Variants in PARP10 observed in about 807,000 individuals in gnomAD.
PARP10 encodes the protein poly(ADP-ribose) polymerase family member 10.
PARP10 carries 56 observed loss-of-function variants against 82.4 expected under a neutral mutation model. The observed-to-expected ratio is 0.68, with a 90% CI of 0.55 to 0.85. PARP10 has a LOEUF of 0.85. PARP10 is among the 40% of genes least tolerant of loss of function. The pLI, the probability that PARP10 is intolerant of heterozygous loss-of-function variation, is 0.00. For synonymous variants in PARP10, 576 were observed against 601.1 expected, an observed-to-expected ratio of 0.96 and a Z score of 0.61; for missense variants, 1,227 against 1,379.4, an observed-to-expected ratio of 0.89 and a Z score of 1.75.
At chr8:143,991,370 C>A, upstream of PARP10, 2 of 1,219,574 alleles carry the variant, frequency 1.6e-6, no homozygotes, top group Non-Finnish European at 2.3e-6. Context: ...CTTTCCAGCC[C>A]TCCCCCTACG....
chr8:143,985,266 G>A lies in PARP10; in HGVS notation c.736C>T (p.His246Tyr), dbSNP rs564499779. 7.4e-6 allele frequency: 12 copies of A among 1,613,750 alleles called. No individual in the cohort carries two copies. In the East Asian group the frequency reaches 2.0e-4, roughly 27 times the overall value. ...LQGSELSLVPHYDILEPEELA... is the reference protein window; with the variant it reads ...LQGSELSLVPYYDILEPEELA... ...TCCTCGGGCTCCAGGATGTCGTAGTGGGGGACAAGGCTCAGCTCTGAGCCC... is the reference window on the plus strand; with the variant it reads ...TCCTCGGGCTCCAGGATGTCGTAGTAGGGGACAAGGCTCAGCTCTGAGCCC... Residue 246 changes from histidine to tyrosine, a missense_variant, in exon 5 of 11, where the codon CAC (histidine) becomes TAC (tyrosine). Physicochemically the swap from His to Tyr is moderately conservative, Grantham distance 83 (BLOSUM62 2). Coordinates refer to ENST00000313028, the MANE Select transcript of PARP10 (RefSeq NM_032789.5).
At chr8:144,001,440 C>T (rs1834202027) in intron 1 of PARP10, among the ~76,000 whole-genome samples, 1 of 152,140 alleles carries the variant, frequency 6.6e-6, no homozygotes, top group African/African-American at 2.4e-5. Flanking sequence ...GGCGTGGTGG[C>T]TTACGCCTGT....
At chr8:143,991,166 A>T (rs1403525586), upstream of PARP10, 6 of 1,284,134 alleles carry the variant, frequency 4.7e-6, no homozygotes, top group Non-Finnish European at 6.4e-6. Context: ...TCGTCAAGCC[A>T]ACTGTTCCAC....
chr8:143,998,671 A>G (rs1187595199), intron 1 of PARP10, among the ~76,000 whole-genome samples: 1 of 152,226 alleles, frequency 6.6e-6, no homozygotes, highest in Non-Finnish European at 1.5e-5. Flanking sequence ...TGGATTTTAT[A>G]AAAAGAATCA....
At chr8:143,997,516 G>T (rs1369556663) in intron 1 of PARP10, among the ~76,000 whole-genome samples, 1 of 152,106 alleles carries the variant, frequency 6.6e-6, no homozygotes, top group African/African-American at 2.4e-5. Flanking sequence ...TTCCCTGAAG[G>T]CAAGGCCATG....
At chr8:143,980,622 C>T (rs1833829539) in intron 9 of PARP10, among the ~76,000 whole-genome samples, 1 of 151,806 alleles carries the variant, frequency 6.6e-6, no homozygotes, top group African/African-American at 2.4e-5. Flanking sequence ...ATATGTTTAG[C>T]ACCCACTCAA....
chr8:143,988,578 G>A (rs914785943), upstream of PARP10, among the ~76,000 whole-genome samples: 2 of 151,750 alleles, frequency 1.3e-5, no homozygotes, highest in African/African-American at 4.8e-5. Flanking sequence ...CCATTCTCCT[G>A]CCTCAGCCCC....
At chr8:143,997,437 A>G (rs1834171518) in intron 1 of PARP10, among the ~76,000 whole-genome samples, 1 of 152,016 alleles carries the variant, frequency 6.6e-6, no homozygotes, top group Non-Finnish European at 1.5e-5. Flanking sequence ...CTTCCTCTCT[A>G]ACCCAAATGC....
At chr8:143,992,939 C>T, upstream of PARP10, 23 of 1,023,206 alleles carry the variant, frequency 2.2e-5, no homozygotes, top group Non-Finnish European at 3.3e-5. Flanking sequence ...CTCTCTTGTC[C>T]CCAGGCACAG....
chr8:144,001,481 C>T (rs1022964389), intron 1 of PARP10, among the ~76,000 whole-genome samples: 1 of 152,086 alleles, frequency 6.6e-6, no homozygotes, highest in Non-Finnish European at 1.5e-5. Flanking sequence ...CCGAGGCAGG[C>T]GGACCACTTG....
At chr8:143,986,666 A>G, upstream of PARP10, 1 of 551,552 alleles carries the variant, frequency 1.8e-6, no homozygotes, top group South Asian at 2.2e-5. Context: ...CCTGGTTGGC[A>G]GGGTAGACAG....
chr8:143,995,856 A>C (rs1402815444), upstream of PARP10, among the ~76,000 whole-genome samples: 3 of 152,200 alleles, frequency 2.0e-5, no homozygotes, highest in Non-Finnish European at 4.4e-5. Context: ...GGCACTGTCC[A>C]AGCTGTAAAA....
At chr8:143,982,399 G>A (rs909080727) in intron 9 of PARP10, among the ~76,000 whole-genome samples, 4 of 152,108 alleles carry the variant, frequency 2.6e-5, no homozygotes, top group Admixed American at 6.5e-5. Context: ...GCGTGAACCC[G>A]GGAGGCGGAG....
rs782176873 is a variant in PARP10, at chr8:143,983,279, G to C, written c.2310C>G (p.Ile770Met). Residue 770 changes from isoleucine to methionine, a missense_variant, in exon 8 of 11, where the codon ATC becomes ATG. Coordinates refer to ENST00000313028, the MANE Select transcript of PARP10 (RefSeq NM_032789.5). ...VSVALRGDCTILRGFGAHPAR... is the reference protein window; with the variant it reads ...VSVALRGDCTMLRGFGAHPAR... ...CAGGGTGGGCCCCGAAGCCACGGAG[G>C]ATGGTGCAGTCACCACGCAGGGCAA... 1.2e-6 allele frequency: 2 copies of C among 1,613,022 alleles called. No individual in the cohort carries two copies.
intron 1 of PARP10, among the ~76,000 whole-genome samples, chr8:144,000,439 C>T (rs1834193691): frequency 6.6e-6 from 1 of 152,190 alleles, no homozygotes; most frequent in South Asian, 2.1e-4. Context: ...CAAGGCCCTG[C>T]AGACACCTTG....
At chr8:143,987,414 C>G (rs1554749602), upstream of PARP10, among the ~76,000 whole-genome samples, 1 of 152,240 alleles carries the variant, frequency 6.6e-6, no homozygotes, top group South Asian at 2.1e-4. Context: ...CCTGCACATG[C>G]CACACCTCTG....
intron 1 of PARP10, among the ~76,000 whole-genome samples, chr8:144,001,873 C>CGTGTGTGTGTGTGTGTGTGTGTGT (rs57117824): frequency 1.2e-4 from 17 of 136,416 alleles, no homozygotes; most frequent in African/African-American, 4.6e-4. Flanking sequence ...AATATATATA[C>CGTGTGTGTGTGTGTGTGTGTGTGT]GTGTGTGTGT....
At chr8:143,982,784 C>G (rs982459982) in intron 9 of PARP10, 148 bp downstream of exon 9, 1 of 1,334,618 alleles carries the variant, frequency 7.5e-7, no homozygotes, top group African/African-American at 1.5e-5. Flanking sequence ...GGAACGCCCT[C>G]TGGGCAGAGA....
At chr8:143,995,761 C>G (rs544417745), upstream of PARP10, among the ~76,000 whole-genome samples, 1 of 152,110 alleles carries the variant, frequency 6.6e-6, no homozygotes, top group Non-Finnish European at 1.5e-5. Flanking sequence ...TTGCATAGAA[C>G]ATCAACATCA....
Sources: gnomAD v4.1 joint callset for allele counts (sites outside exome capture counted in the v4.1 genomes callset) on GRCh38, gnomAD v4.1.1 for gene constraint, MANE v1.5 for transcripts, NCBI Gene and HGNC (gene_info 2026-07-23, HGNC 2026-07-21) for gene names.